The following ZBBX variants were observed in gnomAD, a reference collection of about 807,000 sequenced individuals.
ZBBX encodes zinc finger B-box domain-containing protein 1.
Under a neutral mutation model 108.5 loss-of-function variants are expected in ZBBX, and 101 were observed. The observed-to-expected ratio is 0.93, with a 90% CI of 0.79 to 1.10. The LOEUF is 1.10. Among genes scored for constraint, ZBBX ranks in the 50% least tolerant of loss-of-function variants. The pLI, the probability that ZBBX is intolerant of heterozygous loss-of-function variation, is 0.00. For missense variants in ZBBX, 1,009 were observed against 941.4 expected, an observed-to-expected ratio of 1.07 and a Z score of -0.94; for synonymous variants, 356 against 323.4, an observed-to-expected ratio of 1.10 and a Z score of -1.08.
chr3:167,395,222 C>T (rs1463251639), intron 1 of ZBBX, among the ~76,000 whole-genome samples: 2 of 152,006 alleles, frequency 1.3e-5, no homozygotes, highest in African/African-American at 4.8e-5. Flanking sequence ...TGGGTGTTTC[C>T]TTTGGCTTTT....
chr3:167,347,683 A>T (rs1033250887), intron 9 of ZBBX, among the ~76,000 whole-genome samples: 2 of 152,180 alleles, frequency 1.3e-5, no homozygotes, highest in East Asian at 1.9e-4. Flanking sequence ...AGAGAATAAC[A>T]TCATTATAGG....
chr3:167,284,789 G>T (rs1392018794), intron 19 of ZBBX, among the ~76,000 whole-genome samples: 1 of 152,028 alleles, frequency 6.6e-6, no homozygotes, highest in Non-Finnish European at 1.5e-5. Flanking sequence ...GAAACAGACA[G>T]AAGAGGCCCC....
intron 20 of ZBBX, among the ~76,000 whole-genome samples, chr3:167,246,800 C>G (rs116398241): frequency 6.6e-6 from 1 of 152,088 alleles, no homozygotes; most frequent in African/African-American, 2.4e-5. Context: ...ATATGTTAAG[C>G]TCATCAAGGA....
chr3:167,325,830 T>C (rs1252688087), intron 11 of ZBBX, among the ~76,000 whole-genome samples: 6 of 152,128 alleles, frequency 3.9e-5, no homozygotes, highest in Non-Finnish European at 8.8e-5. Context: ...GCCAATATTG[T>C]CTACTTCACA....
At chr3:167,206,866 C>T in the ZBBX span, among the ~76,000 whole-genome samples, 141 of 152,104 alleles carry the variant, frequency 9.3e-4, no homozygotes, top group East Asian at 0.013. Flanking sequence ...AACAAGATCA[C>T]CAAGGAGACG....
intron 2 of ZBBX, among the ~76,000 whole-genome samples, 193 bp downstream of exon 2, chr3:167,379,445 G>A (rs184651988): frequency 1.3e-5 from 2 of 152,238 alleles, no homozygotes; most frequent in East Asian, 3.9e-4. Flanking sequence ...GACAGGTCAG[G>A]GCAGCCCTCT....
chr3:167,274,117 T>A (rs967903108), intron 20 of ZBBX, among the ~76,000 whole-genome samples: 12 of 152,198 alleles, frequency 7.9e-5, no homozygotes, highest in African/African-American at 2.7e-4. Context: ...GTTGTACCTT[T>A]ATCCCAAACA....
At chr3:167,187,206 T>C in the ZBBX span, among the ~76,000 whole-genome samples, 1 of 152,174 alleles carries the variant, frequency 6.6e-6, no homozygotes, top group Non-Finnish European at 1.5e-5. Flanking sequence ...AGAATTCTTG[T>C]TTGCCAAGTG....
chr3:167,293,020 T>C (rs913649915), intron 18 of ZBBX, among the ~76,000 whole-genome samples: 6 of 152,156 alleles, frequency 3.9e-5, no homozygotes, highest in Non-Finnish European at 7.3e-5. Flanking sequence ...AATCCCTGAA[T>C]AGACCAAAAA....
chr3:167,388,619 T>C (rs1470079979), intron 1 of ZBBX, among the ~76,000 whole-genome samples: 3 of 151,994 alleles, frequency 2.0e-5, no homozygotes, highest in Non-Finnish European at 4.4e-5. Flanking sequence ...AAAATAAACG[T>C]TGACCTCTCT....
At chr3:167,289,016 T>C in intron 18 of ZBBX, 33 bp from the exon 19 acceptor site, 2 of 1,457,374 alleles carry the variant, frequency 1.4e-6, no homozygotes, top group South Asian at 2.7e-5. Flanking sequence ...TAACATAAAG[T>C]TTGAAAAGAA....
chr3:167,269,976 G>C (rs1169040919), intron 20 of ZBBX, among the ~76,000 whole-genome samples: 1 of 152,182 alleles, frequency 6.6e-6, no homozygotes, highest in Non-Finnish European at 1.5e-5. Context: ...TTTGCCCCAA[G>C]GGTTTGCAGA....
At chr3:167,384,515 T>C (rs1002665920), upstream of ZBBX, among the ~76,000 whole-genome samples, 3 of 151,880 alleles carry the variant, frequency 2.0e-5, no homozygotes, top group East Asian at 5.8e-4. Context: ...GCAATAGCAG[T>C]AGGGAGGAAT....
chr3:167,351,506 G>C (rs1742642620), intron 8 of ZBBX, among the ~76,000 whole-genome samples: 1 of 152,288 alleles, frequency 6.6e-6, no homozygotes, highest in East Asian at 1.9e-4. Flanking sequence ...GGGTCACTGG[G>C]ACCTGGACCC....
intron 18 of ZBBX, among the ~76,000 whole-genome samples, chr3:167,292,498 C>A (rs892321879): frequency 6.6e-6 from 1 of 152,038 alleles, no homozygotes; most frequent in African/African-American, 2.4e-5. Context: ...TTCTTTGAAA[C>A]CAATGAGAAC....
intron 20 of ZBBX, 115 bp downstream of exon 20, chr3:167,282,123 G>GA: frequency 8.6e-7 from 1 of 1,161,288 alleles, no homozygotes. Context: ...GGTTAAAGAA[G>GA]AAAAAGGAAA....
chr3:167,189,557 AATAACTAT>A, the ZBBX span, among the ~76,000 whole-genome samples: 2 of 152,206 alleles, frequency 1.3e-5, no homozygotes, highest in Non-Finnish European at 2.9e-5. Context: ...ATCCCAGAGT[AATAACTAT>A]CAATAGTTAA....
At chr3:167,375,991 T>C (rs1373076239) in intron 2 of ZBBX, among the ~76,000 whole-genome samples, 3 of 152,164 alleles carry the variant, frequency 2.0e-5, no homozygotes, top group African/African-American at 7.2e-5. Context: ...TAAGCCGTGG[T>C]GTCTTCCCTT....
intron 20 of ZBBX, among the ~76,000 whole-genome samples, chr3:167,243,692 T>A (rs1397504031): frequency 6.8e-6 from 1 of 147,654 alleles, no homozygotes; most frequent in Non-Finnish European, 1.5e-5. Context: ...CAAATAAACC[T>A]CCTCCTGGTC....
Sources: allele counts gnomAD v4.1 joint callset (sites outside exome capture counted in the v4.1 genomes callset), GRCh38; gene constraint gnomAD v4.1.1; transcripts MANE v1.5; gene names NCBI Gene and HGNC (gene_info 2026-07-23, HGNC 2026-07-21).